Variants in KANSL1L observed in about 807,000 individuals in gnomAD.
KANSL1L encodes KAT8 regulatory NSL complex subunit 1 like.
Under a neutral mutation model 108.6 loss-of-function variants are expected in KANSL1L, and 25 were observed. The observed-to-expected ratio is 0.23, with a 90% CI of 0.17 to 0.32. The LOEUF (loss-of-function observed/expected upper bound fraction) is 0.32, where lower values mean the gene tolerates loss of function less well. Ranked by LOEUF, KANSL1L falls within the 10% of genes least tolerant of loss-of-function variation. KANSL1L has a pLI of 1.00. For synonymous variants in KANSL1L, 405 were observed against 395.1 expected (o/e 1.03, Z -0.30); for missense variants, 1,137 against 1,125.7 (o/e 1.01, Z -0.14).
chr2:210,145,052 G>C (rs1006766989), intron 2 of KANSL1L, among the ~76,000 whole-genome samples: 1 of 152,202 alleles, frequency 6.6e-6, no homozygotes, highest in Admixed American at 6.5e-5. Context: ...GGGCATAGCA[G>C]CATAATCTCT....
intron 2 of KANSL1L, among the ~76,000 whole-genome samples, chr2:210,134,487 G>A (rs1289739661): frequency 3.3e-5 from 5 of 152,048 alleles, no homozygotes; most frequent in Non-Finnish European, 7.4e-5. Flanking sequence ...CTATGATTAT[G>A]TTGTTAATGT....
intron 9 of KANSL1L, 47 bp from the exon 10 acceptor site, chr2:210,029,965 T>TG: frequency 1.1e-5 from 10 of 892,258 alleles, no homozygotes; most frequent in Non-Finnish European, 1.8e-5. Flanking sequence ...ACAAGTCTAA[T>TG]ATCATTAGAA....
At chr2:210,048,542 T>G (rs1054128861) in intron 6 of KANSL1L, among the ~76,000 whole-genome samples, 2 of 152,148 alleles carry the variant, frequency 1.3e-5, no homozygotes, top group Non-Finnish European at 2.9e-5. Context: ...GAAGTTATTT[T>G]GTAGGAATAT....
In KANSL1L at chr2:210,075,756, A is replaced by G. The variant is rs878951572; in HGVS notation, c.1551T>C (p.Ser517=). ...ACAGCTCATCTAAATTCTCTGATGC[A>G]CTGAAATGCCATGAAATAATTAGGG... is the stretch of plus-strand genomic sequence containing the variant. ...HKCLANGIYR[S]ASENLDELSS... Residue 517 remains serine (S), a splice_region_variant and synonymous_variant, in exon 6 of 15, where the codon AGT becomes AGC. Transcript: ENST00000281772. 5 of 1,609,992 alleles carry G rather than the reference A, an allele frequency of 3.1e-6. No homozygotes were observed. The Admixed American group carries it at 6.7e-5, about 21-fold the overall frequency.
intron 5 of KANSL1L, among the ~76,000 whole-genome samples, chr2:210,092,646 T>C (rs1019242578): frequency 2.0e-5 from 3 of 152,236 alleles, no homozygotes; most frequent in African/African-American, 4.8e-5. Flanking sequence ...CTTTTTTTGC[T>C]GTCTGTTGTG....
At chr2:210,085,267 T>G (rs549053137) in intron 5 of KANSL1L, among the ~76,000 whole-genome samples, 18 of 152,178 alleles carry the variant, frequency 1.2e-4, no homozygotes, top group Admixed American at 1.2e-3. Context: ...ACAAAAGAAT[T>G]AGCAAAATTT....
chr2:210,161,705 T>G (rs1272279955), intron 1 of KANSL1L, among the ~76,000 whole-genome samples: 1 of 152,198 alleles, frequency 6.6e-6, no homozygotes, highest in Non-Finnish European at 1.5e-5. Context: ...TACATATTAC[T>G]GAAAGTCACT....
At chr2:210,145,109 T>C (rs1273964133) in intron 2 of KANSL1L, among the ~76,000 whole-genome samples, 1 of 152,182 alleles carries the variant, frequency 6.6e-6, no homozygotes, top group Non-Finnish European at 1.5e-5. Context: ...ATTACAAGGA[T>C]CCTCAGCAGC....
At chr2:210,162,934 T>TACCTA (rs1213815870) in intron 1 of KANSL1L, among the ~76,000 whole-genome samples, 1 of 152,186 alleles carries the variant, frequency 6.6e-6, no homozygotes, top group Non-Finnish European at 1.5e-5. Context: ...CATTCTATCC[T>TACCTA]ACCTAAGCAG....
At chr2:210,031,301 G>A (rs985520820) in intron 9 of KANSL1L, 120 bp downstream of exon 9, 3 of 659,666 alleles carry the variant, frequency 4.5e-6, no homozygotes, top group African/African-American at 1.9e-5. Context: ...TAGACTCATA[G>A]ATGTTTTGTG....
In KANSL1L at chr2:210,079,612, GTATATATATATATATATATA is replaced by G. The variant is rs60144283; in HGVS notation, c.1551-3876_1551-3857del. Among the ~76,000 whole-genome samples the G allele has an allele frequency of 2.5e-3, 164 of 65,668 alleles. 7 individuals carry two copies. Among genetic ancestry groups the G allele is most frequent in the South Asian group, 0.013 (29 of 2,284 alleles). 43.1% of individuals were successfully genotyped at this position (65,668 alleles called of 152,430 possible). A position where few individuals can be genotyped will look rare whatever the true frequency, so the allele number is the denominator to read the frequency against. ...TCTCAAAAAAAAAAAATATGTATGT[GTATATATATATATATATATA>G]TATATATATATATATATATATATAT... On this transcript the variant is annotated intron_variant, in intron 5 of 14. Coordinates refer to ENST00000281772, the MANE Select transcript of KANSL1L (RefSeq NM_152519.4).
chr2:210,150,788 A>G (rs556694292), intron 2 of KANSL1L, among the ~76,000 whole-genome samples: 4 of 152,044 alleles, frequency 2.6e-5, no homozygotes, highest in Non-Finnish European at 5.9e-5. Flanking sequence ...ATCTTAAAAA[A>G]AAAAAAAAAG....
intron 11 of KANSL1L, 94 bp downstream of exon 11, chr2:210,028,751 G>C: frequency 1.1e-6 from 1 of 928,840 alleles, no homozygotes; most frequent in Non-Finnish European, 1.6e-6. Context: ...CTGGGAGAAG[G>C]ATGCTCCTTT....
At chr2:210,077,901 T>C (rs896042911) in intron 5 of KANSL1L, among the ~76,000 whole-genome samples, 6 of 152,150 alleles carry the variant, frequency 3.9e-5, no homozygotes, top group Non-Finnish European at 8.8e-5. Context: ...TTAAAGATAA[T>C]TGGAAAGCTT....
At chr2:210,059,429 A>G (rs1217919692) in intron 6 of KANSL1L, among the ~76,000 whole-genome samples, 1 of 152,256 alleles carries the variant, frequency 6.6e-6, no homozygotes, top group Non-Finnish European at 1.5e-5. Flanking sequence ...AGTAATTTGC[A>G]CAGTACTGCA....
chr2:210,033,641 T>C (rs987164032), intron 8 of KANSL1L, among the ~76,000 whole-genome samples: 2 of 151,314 alleles, frequency 1.3e-5, no homozygotes, highest in East Asian at 1.9e-4. Context: ...GCCATTCTCC[T>C]GCCTCAGCCT....
chr2:210,107,640 T>G (rs1208537520), intron 3 of KANSL1L, among the ~76,000 whole-genome samples: 1 of 151,838 alleles, frequency 6.6e-6, no homozygotes, highest in African/African-American at 2.4e-5. Context: ...GCCATTCTCC[T>G]GCCTCAGCCT....
At chr2:210,124,935 C>T (rs1325891002) in intron 3 of KANSL1L, among the ~76,000 whole-genome samples, 2 of 152,026 alleles carry the variant, frequency 1.3e-5, no homozygotes, top group South Asian at 2.1e-4. Context: ...CACAACACAA[C>T]TTAAGAAGAC....
At chr2:210,166,978 G>T (rs1437236169) in intron 1 of KANSL1L, among the ~76,000 whole-genome samples, 4 of 151,930 alleles carry the variant, frequency 2.6e-5, no homozygotes, top group Non-Finnish European at 5.9e-5. Flanking sequence ...GTACAGTCGT[G>T]CCACTGCATT....
Sources: gnomAD v4.1 joint callset for allele counts (sites outside exome capture counted in the v4.1 genomes callset) on GRCh38, gnomAD v4.1.1 for gene constraint, MANE v1.5 for transcripts, NCBI Gene and HGNC (gene_info 2026-07-23, HGNC 2026-07-21) for gene names.